SLC39A11: variants seen among roughly 807,000 people sequenced by gnomAD.
SLC39A11 encodes the protein zinc transporter ZIP11.
SLC39A11 carries 33 observed loss-of-function variants against 36.1 expected under a neutral mutation model. That is an observed-to-expected ratio of 0.91 (90% CI 0.69 to 1.22). The LOEUF (loss-of-function observed/expected upper bound fraction) is 1.22. Ranked by LOEUF, SLC39A11 falls within the 50% of genes most tolerant of loss-of-function variation. The probability of loss-of-function intolerance (pLI) is 0.00; values close to 1 mark genes in which losing one functional copy is unlikely to be tolerated. For missense variants in SLC39A11, 432 were observed against 430.3 expected (o/e 1.00, Z -0.03); for synonymous variants, 166 against 170.3 (o/e 0.97, Z 0.20).
intron 5 of SLC39A11, among the ~76,000 whole-genome samples, chr17:72,941,724 C>T (rs115671779): frequency 6.6e-6 from 1 of 152,050 alleles, no homozygotes; most frequent in African/African-American, 2.4e-5. Context: ...TGCACAGATC[C>T]CTGTCCAAGA....
At chr17:72,805,859 C>T (rs992158519) in intron 6 of SLC39A11, among the ~76,000 whole-genome samples, 1 of 151,918 alleles carries the variant, frequency 6.6e-6, no homozygotes, top group African/African-American at 2.4e-5. Context: ...AGCAATTCTC[C>T]TGCCTCAGTC....
intron 6 of SLC39A11, among the ~76,000 whole-genome samples, chr17:72,801,738 T>A (rs934855258): frequency 6.6e-6 from 1 of 152,206 alleles, no homozygotes; most frequent in East Asian, 1.9e-4. Flanking sequence ...TAACAAGGGA[T>A]CTTTTAGGGT....
chr17:72,810,709 A>G (rs2077407887), intron 6 of SLC39A11, among the ~76,000 whole-genome samples: 1 of 151,954 alleles, frequency 6.6e-6, no homozygotes, highest in African/African-American at 2.4e-5. Context: ...TTTTTAAGAC[A>G]AAGTCTCACT....
intron 6 of SLC39A11, among the ~76,000 whole-genome samples, chr17:72,761,879 C>G (rs1338045026): frequency 6.6e-6 from 1 of 152,206 alleles, no homozygotes; most frequent in Non-Finnish European, 1.5e-5. Context: ...CAGGGTCATG[C>G]TATTCCCATA....
chr17:72,973,742 G>A (rs920361566), intron 4 of SLC39A11, among the ~76,000 whole-genome samples: 1 of 152,088 alleles, frequency 6.6e-6, no homozygotes, highest in African/African-American at 2.4e-5. Flanking sequence ...AAAATTTTTT[G>A]TAGAGATGGA....
Position 72,916,148 on chromosome 17 carries a change from A to G in SLC39A11, c.430+31604T>C, listed in dbSNP as rs528298339. 2.4e-3 allele frequency among the ~76,000 whole-genome samples: 369 copies of G among 152,104 alleles called. 5 individuals are homozygous for G. The highest frequency in any genetic ancestry group is 8.7e-3 in the African/African-American group (360 of 41,494). On this transcript the variant is annotated intron_variant, in intron 5 of 9. Transcript: ENST00000255559. ...CTCCATTAATCTCAGCACTGCATTC[A>G]CCTCCAAGACACGACATTGTGAGCT...
At chr17:72,828,782 G>GGT (rs781473905) in intron 6 of SLC39A11, among the ~76,000 whole-genome samples, 12 of 152,098 alleles carry the variant, frequency 7.9e-5, no homozygotes, top group Non-Finnish European at 1.6e-4. Context: ...TGCTGGAGCA[G>GGT]GACCTGTGCT....
intron 5 of SLC39A11, among the ~76,000 whole-genome samples, chr17:72,933,107 T>C (rs1417268946): frequency 1.3e-5 from 2 of 152,094 alleles, no homozygotes; most frequent in African/African-American, 4.8e-5. Context: ...GGTAAGAAAA[T>C]GAAATTAATA....
intron 7 of SLC39A11, among the ~76,000 whole-genome samples, chr17:72,656,846 T>A (rs112157606): frequency 5.1e-4 from 77 of 152,260 alleles, no homozygotes; most frequent in African/African-American, 1.8e-3. Flanking sequence ...TTTTATTATT[T>A]TTTTTAAACA....
chr17:72,739,604 T>G (rs932409502), intron 6 of SLC39A11, among the ~76,000 whole-genome samples: 2 of 152,100 alleles, frequency 1.3e-5, no homozygotes, highest in African/African-American at 4.8e-5. Context: ...AGGGAGGTCT[T>G]TCCAAAACCA....
In SLC39A11 at chr17:73,082,789, C is replaced by T. The variant is rs139605626; in HGVS notation, c.147+2019G>A. On this transcript the variant is annotated intron_variant, in intron 3 of 9. Coordinates refer to ENST00000255559, the MANE Select transcript of SLC39A11 (RefSeq NM_139177.4). Reference sequence around the variant, plus strand: ...ACTTTGGAAGGCCGAGTTGGGTAGACCACCTGAGGTCAGGAGTTCGAGACC... The same window carrying T: ...ACTTTGGAAGGCCGAGTTGGGTAGATCACCTGAGGTCAGGAGTTCGAGACC... Among the ~76,000 whole-genome samples, 811 of 152,020 alleles carry T rather than the reference C, an allele frequency of 5.3e-3. 3 individuals are homozygous for T. Among genetic ancestry groups the T allele is most frequent in the Middle Eastern group, 0.014 (4 of 294 alleles).
intron 5 of SLC39A11, among the ~76,000 whole-genome samples, chr17:72,866,087 G>C (rs1001565928): frequency 2.0e-5 from 3 of 152,180 alleles, no homozygotes; most frequent in Non-Finnish European, 2.9e-5. Context: ...TGCACAGCAG[G>C]GGGTGAGCGG....
intron 4 of SLC39A11, among the ~76,000 whole-genome samples, chr17:73,025,050 C>T (rs1350091160): frequency 6.6e-6 from 1 of 152,000 alleles, no homozygotes; most frequent in Non-Finnish European, 1.5e-5. Flanking sequence ...CACACGCACA[C>T]TGTTCATTTA....
chr17:72,992,505 G>A (rs943196752), intron 4 of SLC39A11, among the ~76,000 whole-genome samples: 1 of 151,950 alleles, frequency 6.6e-6, no homozygotes, highest in Non-Finnish European at 1.5e-5. Context: ...TTTTTTTACT[G>A]TGCACGGTTT....
chr17:72,998,471 A>AGTAATTACC, intron 4 of SLC39A11, among the ~76,000 whole-genome samples: 1 of 152,338 alleles, frequency 6.6e-6, no homozygotes, highest in Middle Eastern at 3.4e-3. Flanking sequence ...CATTATAGAC[A>AGTAATTACC]GTAATTACCA....
intron 7 of SLC39A11, among the ~76,000 whole-genome samples, chr17:72,664,841 C>A (rs1313034989): frequency 6.6e-6 from 1 of 152,154 alleles, no homozygotes; most frequent in Non-Finnish European, 1.5e-5. Context: ...TCCCTCCATT[C>A]TCTTCTTCTC....
chr17:72,988,537 T>C (rs966276763), intron 4 of SLC39A11, among the ~76,000 whole-genome samples: 8 of 152,162 alleles, frequency 5.3e-5, no homozygotes, highest in Admixed American at 1.3e-4. Flanking sequence ...TGCTATCAAA[T>C]AGTAGGTCTT....
At chr17:73,002,879 T>C (rs1195277993) in intron 4 of SLC39A11, among the ~76,000 whole-genome samples, 1 of 152,186 alleles carries the variant, frequency 6.6e-6, no homozygotes, top group Non-Finnish European at 1.5e-5. Context: ...CAATTCAGCC[T>C]CTATGGTCAT....
intron 4 of SLC39A11, among the ~76,000 whole-genome samples, chr17:73,016,133 G>A (rs931575620): frequency 2.6e-5 from 4 of 151,926 alleles, no homozygotes; most frequent in Admixed American, 2.6e-4. Flanking sequence ...TTTTCTGAAG[G>A]GAAAATACAG....
Sources: gnomAD v4.1 joint callset for allele counts (sites outside exome capture counted in the v4.1 genomes callset) on GRCh38, gnomAD v4.1.1 for gene constraint, MANE v1.5 for transcripts, NCBI Gene and HGNC (gene_info 2026-07-23, HGNC 2026-07-21) for gene names.